BANK1: variants seen among roughly 807,000 people sequenced by gnomAD.
BANK1 encodes the protein B cell scaffold protein with ankyrin repeats 1, also known as B-cell scaffold protein with ankyrin repeats.
In BANK1, 95 loss-of-function variants were observed where a neutral mutation model predicts 94.5. The observed-to-expected ratio is 1.00, with a 90% CI of 0.85 to 1.19. The LOEUF (loss-of-function observed/expected upper bound fraction) is 1.19, where lower values mean the gene tolerates loss of function less well. Among genes scored for constraint, BANK1 ranks in the 50% most tolerant of loss-of-function variants. BANK1 has a pLI of 0.00. For synonymous variants in BANK1, 334 were observed against 308.4 expected, an observed-to-expected ratio of 1.08 and a Z score of -0.87; for missense variants, 987 against 932.2, an observed-to-expected ratio of 1.06 and a Z score of -0.77.
intron 12 of BANK1, chr4:102,061,682 T>C (rs1368675851): frequency 6.6e-6 from 1 of 152,208 alleles, no homozygotes; most frequent in East Asian, 1.9e-4. Context: ...AATATCATTT[T>C]GGAAATTATT....
intron 6 of BANK1, among the ~76,000 whole-genome samples, chr4:101,907,540 G>A (rs1225226579): frequency 3.3e-5 from 5 of 152,138 alleles, no homozygotes; most frequent in Non-Finnish European, 7.4e-5. Context: ...ACATAGTGTT[G>A]GAAGTTCTGG....
At chr4:102,050,495 CAT>C (rs1398004576) in intron 11 of BANK1, among the ~76,000 whole-genome samples, 4 of 152,150 alleles carry the variant, frequency 2.6e-5, no homozygotes, top group Non-Finnish European at 5.9e-5. Context: ...TCAAAATCAA[CAT>C]GTGAAAAAAT....
At chr4:102,021,655 ACT>A in intron 8 of BANK1, 63 bp downstream of exon 8, 1 of 660,292 alleles carries the variant, frequency 1.5e-6, no homozygotes, top group Non-Finnish European at 2.3e-6. Flanking sequence ...TATATATGTG[ACT>A]TATGGAAGAT....
chr4:102,048,205 G>C (rs953437238), intron 11 of BANK1, among the ~76,000 whole-genome samples: 5 of 152,062 alleles, frequency 3.3e-5, no homozygotes, highest in African/African-American at 1.2e-4. Context: ...TAATGTACCA[G>C]AAGGGAACAG....
chr4:101,836,235 C>G (rs1726821376), intron 2 of BANK1, among the ~76,000 whole-genome samples: 1 of 152,154 alleles, frequency 6.6e-6, no homozygotes, highest in Non-Finnish European at 1.5e-5. Context: ...AATCCAAGCA[C>G]TTTGGGAGGC....
At chr4:102,015,264 C>T (rs1397452796) in intron 7 of BANK1, among the ~76,000 whole-genome samples, 1 of 151,734 alleles carries the variant, frequency 6.6e-6, no homozygotes, top group African/African-American at 2.4e-5. Context: ...TCTATCTATG[C>T]TTTTTTTGGT....
chr4:102,067,151 G>T (rs1728621725), intron 13 of BANK1, among the ~76,000 whole-genome samples: 1 of 151,486 alleles, frequency 6.6e-6, no homozygotes, highest in African/African-American at 2.4e-5. Flanking sequence ...TAGATAAAAA[G>T]AACTATATTT....
chr4:101,812,978 A>T (rs1009102076), intron 1 of BANK1, among the ~76,000 whole-genome samples: 1 of 152,158 alleles, frequency 6.6e-6, no homozygotes, highest in Non-Finnish European at 1.5e-5. Context: ...TAAAAAAGTA[A>T]TCTTTGTTAA....
intron 7 of BANK1, among the ~76,000 whole-genome samples, chr4:101,935,778 A>C (rs1578407383): frequency 6.6e-6 from 1 of 151,492 alleles, no homozygotes; most frequent in Admixed American, 6.6e-5. Flanking sequence ...CAGTGAACTC[A>C]TTTTTCACAA....
chr4:101,945,443 A>C (rs1224565717), intron 7 of BANK1, among the ~76,000 whole-genome samples: 1 of 152,010 alleles, frequency 6.6e-6, no homozygotes, highest in African/African-American at 2.4e-5. Flanking sequence ...AAAAATAGTG[A>C]TGAGGTATTA....
In BANK1 at chr4:101,829,821, TATA is replaced by T; in HGVS notation, c.90_92del (p.Ile30del). The T allele has an allele frequency of 4.5e-6, 7 of 1,542,602 alleles. No homozygotes were observed. Among genetic ancestry groups the T allele is most frequent in the Non-Finnish European group, 5.2e-6 (6 of 1,143,654 alleles). On this transcript the variant is annotated inframe_deletion, in exon 2 of 17. Transcript: ENST00000322953. Reference sequence around the variant, plus strand: ...TTCTTTTTCCAGGAAATACAAAAGATATAATAATGATATATGAAGAAGATGCTG... The same window carrying T: ...TTCTTTTTCCAGGAAATACAAAAGATATAATGATATATGAAGAAGATGCTG...
intron 6 of BANK1, among the ~76,000 whole-genome samples, chr4:101,896,876 T>C (rs1722099186): frequency 6.6e-6 from 1 of 151,942 alleles, no homozygotes; most frequent in Non-Finnish European, 1.5e-5. Context: ...GAAAATAATC[T>C]TCCAAAGATA....
intron 2 of BANK1, among the ~76,000 whole-genome samples, chr4:101,842,418 A>G (rs1727084524): frequency 6.6e-6 from 1 of 152,234 alleles, no homozygotes; most frequent in East Asian, 1.9e-4. Flanking sequence ...CACATTTTAA[A>G]GTTTAATTGT....
At chr4:101,864,163 A>G (rs1727982811) in intron 4 of BANK1, among the ~76,000 whole-genome samples, 1 of 152,208 alleles carries the variant, frequency 6.6e-6, no homozygotes, top group Non-Finnish European at 1.5e-5. Context: ...AACTTATTTA[A>G]GTATTCGTTT....
At chr4:101,801,381 G>T (rs534481071) in intron 1 of BANK1, among the ~76,000 whole-genome samples, 1 of 151,958 alleles carries the variant, frequency 6.6e-6, no homozygotes, top group Non-Finnish European at 1.5e-5. Flanking sequence ...CATATGTGCC[G>T]TGCATTTGTG....
Position 101,997,970 on chromosome 4 carries a change from G to T in BANK1, c.1207-23544G>T, listed in dbSNP as rs183711952. ...TTGTCTTCTGCTAGCTTTTGAATTT[G>T]TTTGCTTTTGTTTCTCTAGTTCTGT... On this transcript the variant is annotated intron_variant, in intron 7 of 16. Transcript: ENST00000322953. Among the ~76,000 whole-genome samples the T allele has an allele frequency of 4.1e-3, 622 of 152,114 alleles. 4 individuals are homozygous for T. The highest frequency in any genetic ancestry group is 0.014 in the African/African-American group (597 of 41,496).
At chr4:102,007,914 C>G (rs546447185) in intron 7 of BANK1, among the ~76,000 whole-genome samples, 3 of 152,222 alleles carry the variant, frequency 2.0e-5, no homozygotes, top group Admixed American at 1.3e-4. Context: ...CACTATTAGT[C>G]AAAGCTAGAG....
intron 5 of BANK1, among the ~76,000 whole-genome samples, chr4:101,883,389 A>G (rs1728744310): frequency 1.3e-5 from 2 of 152,204 alleles, no homozygotes; most frequent in African/African-American, 4.8e-5. Flanking sequence ...TTGATTCTCT[A>G]CAATTTTTTA....
chr4:102,012,593 C>T (rs193295023), intron 7 of BANK1, among the ~76,000 whole-genome samples: 2 of 152,198 alleles, frequency 1.3e-5, no homozygotes, highest in Non-Finnish European at 2.9e-5. Flanking sequence ...TATCTAACAA[C>T]AAAAGAGTAT....
Sources: allele counts gnomAD v4.1 joint callset (sites outside exome capture counted in the v4.1 genomes callset), GRCh38; gene constraint gnomAD v4.1.1; transcripts MANE v1.5; gene names NCBI Gene and HGNC (gene_info 2026-07-23, HGNC 2026-07-21).